The following ADGRB1 variants were observed in gnomAD, a reference collection of about 807,000 sequenced individuals.
ADGRB1 encodes the protein brain-specific angiogenesis inhibitor 1.
In ADGRB1, 36 loss-of-function variants were observed where a neutral mutation model predicts 175.7. That is an observed-to-expected ratio of 0.20 (90% CI 0.16 to 0.27). The LOEUF (loss-of-function observed/expected upper bound fraction) is 0.27. Ranked by LOEUF, ADGRB1 falls within the 10% of genes least tolerant of loss-of-function variation. The pLI is 1.00. For synonymous variants in ADGRB1, 1,054 were observed against 979.4 expected (o/e 1.08, Z -1.42); for missense variants, 1,731 against 2,255.3 (o/e 0.77, Z 4.71).
At chr8:142,512,173 G>C (rs557370452) in intron 18 of ADGRB1, among the ~76,000 whole-genome samples, 5 of 152,330 alleles carry the variant, frequency 3.3e-5, no homozygotes, top group African/African-American at 1.2e-4. Flanking sequence ...GGCCCAGAGA[G>C]AGGGCCTTGC....
At chr8:142,541,869 C>T (rs944479293) in intron 27 of ADGRB1, 72 bp from the exon 28 acceptor site, 175 of 1,431,734 alleles carry the variant, frequency 1.2e-4, no homozygotes, top group Middle Eastern at 1.2e-3. Flanking sequence ...GGGCCCCTCT[C>T]CTGCTGGGGA....
chr8:142,458,692 C>G (rs1352080856), intron 1 of ADGRB1, among the ~76,000 whole-genome samples: 1 of 152,176 alleles, frequency 6.6e-6, no homozygotes, highest in Admixed American at 6.5e-5. Flanking sequence ...CTCGCAGAAG[C>G]TGGCCAGCCT....
chr8:142,474,668 C>T lies in ADGRB1; in HGVS notation c.785-806C>T, dbSNP rs1317034869. ...CGAGGACCCCCCGGGAGCAGAGACTCCTGGGGCGTGAGGTCTGGTTTGCTA... is the reference window on the plus strand; with the variant it reads ...CGAGGACCCCCCGGGAGCAGAGACTTCTGGGGCGTGAGGTCTGGTTTGCTA... On this transcript the variant is annotated intron_variant, in intron 2 of 30. Transcript: ENST00000517894. The surrounding 1 kb of genome is among the most constrained non-coding windows in gnomAD (Gnocchi z 5.8). Among the ~76,000 whole-genome samples, 1 of 152,126 alleles carries T rather than the reference C, an allele frequency of 6.6e-6. No individual in the cohort carries two copies. Among genetic ancestry groups the T allele is most frequent in the Non-Finnish European group, 1.5e-5 (1 of 68,024 alleles).
At chr8:142,540,934 C>T (rs993727805) in intron 27 of ADGRB1, among the ~76,000 whole-genome samples, 1 of 152,080 alleles carries the variant, frequency 6.6e-6, no homozygotes, top group South Asian at 2.1e-4. Context: ...AGCCTGTGTT[C>T]GGGAGAGAGA....
chr8:142,470,633 G>C (rs562876816), intron 2 of ADGRB1, among the ~76,000 whole-genome samples: 3 of 152,276 alleles, frequency 2.0e-5, no homozygotes, highest in African/African-American at 7.2e-5. Flanking sequence ...TGCGTCCTCT[G>C]TGTGCCCACA....
intron 16 of ADGRB1, among the ~76,000 whole-genome samples, chr8:142,489,925 G>T (rs1351437897): frequency 6.6e-6 from 1 of 152,208 alleles, no homozygotes. Flanking sequence ...CGGCTGCTAT[G>T]TGAGCCCTGC....
In ADGRB1 at chr8:142,493,841, T is replaced by G. The variant is rs1377225543; in HGVS notation, c.2675+3026T>G. ...CTTCTGCCCCTCACCTCCCCTCCACTCTGAGTTGGATGGCACCTCCCTTGA... is the reference window on the plus strand; with the variant it reads ...CTTCTGCCCCTCACCTCCCCTCCACGCTGAGTTGGATGGCACCTCCCTTGA... On this transcript the variant is annotated intron_variant, in intron 17 of 30. Coordinates refer to ENST00000517894, the MANE Select transcript of ADGRB1 (RefSeq NM_001702.3). The surrounding 1 kb of genome is among the most constrained non-coding windows in gnomAD (Gnocchi z 5.0). Among the ~76,000 whole-genome samples the G allele has an allele frequency of 6.6e-6, 1 of 152,174 alleles. No individual in the cohort carries two copies. The highest frequency in any genetic ancestry group is 1.5e-5 in the Non-Finnish European group (1 of 68,018).
chr8:142,511,065 G>A lies in ADGRB1; in HGVS notation c.2809G>A (p.Ala937Thr). Residue 937 changes from alanine (A) to threonine (T), a missense_variant, in exon 18 of 31, where the codon GCC (alanine) becomes ACC (threonine). Transcript: ENST00000517894. This position sits in a 1 kb window ranked among gnomAD's most constrained non-coding sequence, Gnocchi z 4.5. ...CTTCGCCATCTTAGCCCAGCTCAGCGCCGACGCGGTGAGACCCCGGCCGGG... is the reference window on the plus strand; with the variant it reads ...CTTCGCCATCTTAGCCCAGCTCAGCACCGACGCGGTGAGACCCCGGCCGGG... ...STFAILAQLSADANMEKATLP... is the reference protein window; with the variant it reads ...STFAILAQLSTDANMEKATLP... 1.7e-6 allele frequency: 2 copies of A among 1,199,308 alleles called. No individual in the cohort carries two copies. Among genetic ancestry groups the A allele is most frequent in the Non-Finnish European group, 1.1e-6 (1 of 952,306 alleles). The allele number at this position is 1,199,308 out of a possible 1,614,324, so 74.3% of individuals were successfully genotyped here.
In ADGRB1 at chr8:142,520,850, C is replaced by T. The variant is rs756896822; in HGVS notation, c.2949C>T (p.Ile983=). ...ACATTCGCTCAGAGCGTTCTGTCAT[C>T]CTCATCAACTTCTGCCTGTCCATCA... ...WRYIRSERSV[I]LINFCLSIIS... is the part of the protein sequence containing the mutation. The change falls in exon 20 of 31, where the codon ATC becomes ATT. Residue 983 remains isoleucine (I), a synonymous_variant. Transcript: ENST00000517894. 6.2e-7 allele frequency: 1 copy of T among 1,613,640 alleles called. No individual in the cohort carries two copies. Among genetic ancestry groups the T allele is most frequent in the Non-Finnish European group, 8.5e-7 (1 of 1,179,718 alleles).
At chr8:142,483,856 T>C (rs1841520357) in intron 11 of ADGRB1, 121 bp from the exon 12 acceptor site, 1 of 1,053,072 alleles carries the variant, frequency 9.5e-7, no homozygotes, top group South Asian at 1.3e-5. Flanking sequence ...CACTGAGCCC[T>C]GATCCTGGTC....
rs1373616342 is a variant in ADGRB1, at chr8:142,541,921, C to T, written c.3707-20C>T. 1 of 1,528,806 alleles carries T rather than the reference C, an allele frequency of 6.5e-7. No individual in the cohort carries two copies. The highest frequency in any genetic ancestry group is 8.8e-7 in the Non-Finnish European group (1 of 1,139,986). The allele number at this position is 1,528,806 out of a possible 1,614,324, so 94.7% of individuals were successfully genotyped here. A position where few individuals can be genotyped will look rare whatever the true frequency, so the allele number is the denominator to read the frequency against. ...TCACCCCCACACCTGTCCCCGCTGTCTCCCCCGCGGCCCCTGCAGTGCTGA... is the reference window on the plus strand; with the variant it reads ...TCACCCCCACACCTGTCCCCGCTGTTTCCCCCGCGGCCCCTGCAGTGCTGA... On this transcript the variant is annotated intron_variant, in intron 27 of 30. Coordinates refer to ENST00000517894, the MANE Select transcript of ADGRB1 (RefSeq NM_001702.3).
chr8:142,523,962 A>G (rs1450696477), intron 22 of ADGRB1, among the ~76,000 whole-genome samples: 1 of 152,126 alleles, frequency 6.6e-6, no homozygotes, highest in Non-Finnish European at 1.5e-5. Flanking sequence ...TGGCCCTGCC[A>G]GCCTGGTGCC....
chr8:142,491,367 A>T (rs191490978), intron 17 of ADGRB1, among the ~76,000 whole-genome samples: 40 of 152,234 alleles, frequency 2.6e-4, no homozygotes, highest in African/African-American at 7.9e-4. Context: ...TCCACGCCCC[A>T]TGTGGGGTTC....
rs1841049219 is a variant in ADGRB1 at position 142,477,564 on chromosome 8, G to A, written c.1387+15G>A. On this transcript the variant is annotated intron_variant, in intron 6 of 30. Transcript: ENST00000517894. ...CCTGTGCCCTGGTAGGTGAGAGGGA[G>A]GGCGTAGGGGCAGGGAGGAAGGGAA... 6 of 1,607,522 alleles carry A rather than the reference G, an allele frequency of 3.7e-6. No homozygotes were observed. Among genetic ancestry groups the A allele is most frequent in the Non-Finnish European group, 5.1e-6 (6 of 1,175,916 alleles).
At chr8:142,451,920 C>T (rs924375852) in intron 1 of ADGRB1, among the ~76,000 whole-genome samples, 1 of 152,152 alleles carries the variant, frequency 6.6e-6, no homozygotes, top group East Asian at 1.9e-4. Context: ...GCCCGCACGC[C>T]GGGGTGCCGC....
rs1188041578 is a variant in ADGRB1 at position 142,464,663 on chromosome 8, G to A, written c.465G>A (p.Gly155=). 6.6e-7 allele frequency: 1 copy of A among 1,522,440 alleles called. No homozygotes were observed. Among genetic ancestry groups the A allele is most frequent in the Admixed American group, 2.0e-5 (1 of 49,434 alleles). 94.3% of individuals were successfully genotyped at this position (1,522,440 alleles called of 1,614,324 possible). A position where few individuals can be genotyped will look rare whatever the true frequency, so the allele number is the denominator to read the frequency against. ...GCCAGCAGCCGCCCCAGCACGACGGGCTCCGGCCCCGGGCCGGGCCGCCGG... is the reference window on the plus strand; with the variant it reads ...GCCAGCAGCCGCCCCAGCACGACGGACTCCGGCCCCGGGCCGGGCCGCCGG... ...MRRQQPPQHD[G]LRPRAGPPGP... Residue 155 remains glycine, a synonymous_variant, in exon 2 of 31, where the codon GGG becomes GGA. Transcript: ENST00000517894.
intron 17 of ADGRB1, among the ~76,000 whole-genome samples, chr8:142,496,088 G>A (rs561366950): frequency 6.6e-6 from 1 of 151,712 alleles, no homozygotes; most frequent in Non-Finnish European, 1.5e-5. Flanking sequence ...ATGGATGGAT[G>A]GGTGGGTGGC....
chr8:142,452,650 C>T (rs990059752), intron 1 of ADGRB1, among the ~76,000 whole-genome samples: 6 of 152,188 alleles, frequency 3.9e-5, no homozygotes, highest in Admixed American at 2.0e-4. Flanking sequence ...TCAGGGTGGC[C>T]CGAGTCCCGA....
At chr8:142,463,798 C>A (rs938011335) in intron 1 of ADGRB1, among the ~76,000 whole-genome samples, 182 bp from the exon 2 acceptor site, 4 of 152,240 alleles carry the variant, frequency 2.6e-5, no homozygotes, top group African/African-American at 7.2e-5. Context: ...TGGTGAGTGG[C>A]AGACAGACAG....
Sources: allele counts gnomAD v4.1 joint callset (sites outside exome capture counted in the v4.1 genomes callset), GRCh38; gene constraint gnomAD v4.1.1; non-coding constraint Gnocchi (gnomAD v3.1); transcripts MANE v1.5; gene names NCBI Gene and HGNC (gene_info 2026-07-23, HGNC 2026-07-21).